AP2A1: variants seen among roughly 807,000 people sequenced by gnomAD.
The protein encoded by AP2A1 is adaptor related protein complex 2 subunit alpha 1.
A neutral mutation model predicts 107.3 loss-of-function variants in AP2A1; 21 were observed. The observed-to-expected ratio is 0.20, with a 90% confidence interval of 0.14 to 0.28. The LOEUF (loss-of-function observed/expected upper bound fraction) is 0.28, where lower values mean the gene tolerates loss of function less well. Among genes scored for constraint, AP2A1 ranks in the 10% least tolerant of loss-of-function variants. The pLI is 1.00. For missense variants in AP2A1, 873 were observed against 1,307.7 expected (o/e 0.67, Z 5.13); for synonymous variants, 602 against 564.8 (o/e 1.07, Z -0.93).
intron 4 of AP2A1, among the ~76,000 whole-genome samples, chr19:49,787,347 G>GTTTTTTTTTTTTTTT (rs199550216): frequency 1.0e-5 from 1 of 96,186 alleles, no homozygotes; most frequent in African/African-American, 4.4e-5. Flanking sequence ...TGTTTTTTTT[G>GTTTTTTTTTTTTTTT]TTTTTTGTTT....
chr19:49,771,472 G>C (rs779552504), intron 1 of AP2A1, among the ~76,000 whole-genome samples: 1 of 151,278 alleles, frequency 6.6e-6, no homozygotes, highest in South Asian at 2.1e-4. Flanking sequence ...AAAATGGCGC[G>C]ATCTTGGCTC....
intron 12 of AP2A1, 87 bp downstream of exon 12, chr19:49,801,145 C>A: frequency 7.8e-7 from 1 of 1,275,780 alleles, no homozygotes; most frequent in Non-Finnish European, 1.1e-6. Flanking sequence ...TCAGGGCAGG[C>A]AGTGATGGGC....
chr19:49,780,493 G>T (rs1032400827), intron 1 of AP2A1, among the ~76,000 whole-genome samples: 1 of 152,106 alleles, frequency 6.6e-6, no homozygotes, highest in African/African-American at 2.4e-5. Flanking sequence ...GGACAGTAGG[G>T]GTCTGAGGGG....
At chr19:49,787,304 T>G (rs2084748807) in intron 4 of AP2A1, among the ~76,000 whole-genome samples, 1 of 150,582 alleles carries the variant, frequency 6.6e-6, no homozygotes, top group African/African-American at 2.5e-5. Flanking sequence ...ATTACAGGTG[T>G]GAGCCACCAC....
intron 21 of AP2A1, 48 bp from the exon 22 acceptor site, chr19:49,806,071 G>A (rs1010488014): frequency 1.8e-5 from 28 of 1,595,810 alleles, no homozygotes; most frequent in Non-Finnish European, 2.4e-5. Context: ...CCACTGTGTG[G>A]TAACTAACAG....
intron 1 of AP2A1, among the ~76,000 whole-genome samples, chr19:49,767,649 A>G (rs2084516995): frequency 6.6e-6 from 1 of 152,080 alleles, no homozygotes; most frequent in African/African-American, 2.4e-5. Context: ...CGGAAGCCTA[A>G]TGAAGCAGGG....
Position 49,802,017 on chromosome 19 carries a change from C to G in AP2A1, c.1990C>G (p.Arg664Gly). Reference sequence around the variant, plus strand: ...GCCCTCCGCCGACCTCCTGGGGCTGCGGGCAGCCCCTCCCCCGGCAGCACC... The same window carrying G: ...GCCCTCCGCCGACCTCCTGGGGCTGGGGGCAGCCCCTCCCCCGGCAGCACC... Reference protein sequence around the residue: ...PSPSADLLGLRAAPPPAAPPA... With the variant: ...PSPSADLLGLGAAPPPAAPPA... Residue 664 changes from arginine to glycine, a missense_variant, in exon 15 of 23, where the codon CGG (arginine) becomes GGG (glycine). Arg to Gly is a moderately radical substitution (Grantham distance 125). Transcript: ENST00000354293. 6.4e-7 allele frequency: 1 copy of G among 1,554,268 alleles called. No homozygotes were observed. The highest frequency in any genetic ancestry group is 1.9e-5 in the Admixed American group (1 of 51,608).
Position 49,805,584 on chromosome 19 carries a change from A to G in AP2A1, c.2468+8A>G. 1 of 1,569,932 alleles carries G rather than the reference A, an allele frequency of 6.4e-7. No homozygotes were observed. Among genetic ancestry groups the G allele is most frequent in the Non-Finnish European group, 8.6e-7 (1 of 1,157,268 alleles). ...GCTGTCCGTGCGCTTCCGGTGAGTC[A>G]GGTACGGCGCGGCCGGTGGGCGGAG... On this transcript the variant is annotated splice_region_variant and intron_variant, in intron 19 of 22. Coordinates refer to ENST00000354293, the MANE Select transcript of AP2A1 (RefSeq NM_130787.3).
intron 1 of AP2A1, among the ~76,000 whole-genome samples, chr19:49,779,029 C>G (rs2084645357): frequency 7.5e-6 from 1 of 133,650 alleles, no homozygotes; most frequent in Admixed American, 7.6e-5. Context: ...GACCTCATTG[C>G]TACCAAAAAA....
At chr19:49,774,142 G>C (rs191998970) in intron 1 of AP2A1, among the ~76,000 whole-genome samples, 1 of 152,356 alleles carries the variant, frequency 6.6e-6, no homozygotes, top group Admixed American at 6.5e-5. Context: ...GAACGGGACA[G>C]ATGCAGGCCT....
intron 4 of AP2A1, among the ~76,000 whole-genome samples, chr19:49,790,495 C>G (rs549230491): frequency 6.6e-6 from 1 of 152,180 alleles, no homozygotes; most frequent in Non-Finnish European, 1.5e-5. Context: ...ACCTCCCAGG[C>G]TAAAGCGATC....
intron 7 of AP2A1, among the ~76,000 whole-genome samples, chr19:49,798,172 C>G (rs556729850): frequency 6.6e-6 from 1 of 152,220 alleles, no homozygotes; most frequent in Admixed American, 6.5e-5. Flanking sequence ...CTTGAAAACA[C>G]GTCACATTCT....
intron 7 of AP2A1, among the ~76,000 whole-genome samples, chr19:49,798,255 G>A (rs952673849): frequency 2.6e-5 from 4 of 152,212 alleles, no homozygotes; most frequent in African/African-American, 9.6e-5. Flanking sequence ...TCTGGGGGGT[G>A]AGGGGGCACC....
At chr19:49,804,935 G>A (rs1403400578) in intron 18 of AP2A1, 1 of 152,646 alleles carries the variant, frequency 6.6e-6, no homozygotes, top group Non-Finnish European at 1.5e-5. Flanking sequence ...TGTTGAGACA[G>A]GGCCTCACTC....
rs1487305697 is a variant in AP2A1 at position 49,785,540 on chromosome 19, C to T, written c.473+2816C>T. The stretch of plus-strand genomic sequence containing the variant: ...GTGTATTAGACATCTGAGTAGGACT[C>T]TGGGGAGGAAGTTGGATTGCAGGGA... On this transcript the variant is annotated intron_variant, in intron 4 of 22. Transcript: ENST00000354293. The surrounding 1 kb of genome is among the most constrained non-coding windows in gnomAD (Gnocchi z 4.1). Among the ~76,000 whole-genome samples, 1 of 151,942 alleles carries T rather than the reference C, an allele frequency of 6.6e-6. No individual in the cohort carries two copies. The highest frequency in any genetic ancestry group is 1.5e-5 in the Non-Finnish European group (1 of 67,998).
intron 6 of AP2A1, among the ~76,000 whole-genome samples, chr19:49,793,493 C>T (rs2073172055): frequency 6.6e-6 from 1 of 152,182 alleles, no homozygotes; most frequent in Admixed American, 6.5e-5. Context: ...CTTTCCTGTG[C>T]AGCCTCTCAC....
chr19:49,801,265 G>A, intron 12 of AP2A1, 125 bp from the exon 13 acceptor site: 1 of 1,067,966 alleles, frequency 9.4e-7, no homozygotes, highest in Non-Finnish European at 1.4e-6. Context: ...GCCTGGGGAG[G>A]GCCACTCCCC....
chr19:49,793,245 C>T (rs775026278), intron 6 of AP2A1, among the ~76,000 whole-genome samples, 153 bp downstream of exon 6: 2 of 152,206 alleles, frequency 1.3e-5, no homozygotes, highest in Non-Finnish European at 2.9e-5. Context: ...TCGGCCTCTT[C>T]CTGGCTGGGT....
intron 18 of AP2A1, chr19:49,805,134 G>C (rs1231641804): frequency 1.2e-5 from 4 of 321,224 alleles, no homozygotes; most frequent in African/African-American, 2.1e-5. Flanking sequence ...CAGAGGCTAA[G>C]AGAGGTTAAG....
Sources: allele counts gnomAD v4.1 joint callset (sites outside exome capture counted in the v4.1 genomes callset), GRCh38; gene constraint gnomAD v4.1.1; non-coding constraint Gnocchi (gnomAD v3.1); transcripts MANE v1.5; gene names NCBI Gene and HGNC (gene_info 2026-07-23, HGNC 2026-07-21).